The following PACRG variants were observed in gnomAD, a reference collection of about 807,000 sequenced individuals.
PACRG encodes the protein parkin coregulated gene protein.
In PACRG, 29 loss-of-function variants were observed where a neutral mutation model predicts 29.7. The observed-to-expected ratio is 0.98, with a 90% CI of 0.73 to 1.33. The LOEUF (loss-of-function observed/expected upper bound fraction) is 1.33. Ranked by LOEUF, PACRG falls within the 40% of genes most tolerant of loss-of-function variation. The pLI is 0.00. For missense variants in PACRG, 279 were observed against 316.2 expected (o/e 0.88, Z 0.89); for synonymous variants, 116 against 118.7 (o/e 0.98, Z 0.15).
intron 2 of PACRG, chr6:162,997,413 G>T (rs1158487184): frequency 6.6e-6 from 3 of 454,350 alleles, no homozygotes; most frequent in East Asian, 7.0e-5. Flanking sequence ...TAGATTCTAG[G>T]AATGAAAAAT....
chr6:163,177,791 C>T (rs919661172), intron 4 of PACRG, among the ~76,000 whole-genome samples: 2 of 124,886 alleles, frequency 1.6e-5, no homozygotes, highest in African/African-American at 6.2e-5. Context: ...GAGAAACGTG[C>T]CCTAGGCCTG....
chr6:163,178,966 C>T (rs2128352183), intron 4 of PACRG, among the ~76,000 whole-genome samples: 1 of 152,264 alleles, frequency 6.6e-6, no homozygotes, highest in East Asian at 1.9e-4. Flanking sequence ...AGAGCTCTTT[C>T]TTTAAAAAGG....
intron 3 of PACRG, among the ~76,000 whole-genome samples, chr6:163,076,893 C>T (rs199557676): frequency 0.01 from 1,575 of 152,314 alleles, 23 homozygotes; most frequent in African/African-American, 0.035. Flanking sequence ...TATAGCTCCT[C>T]TCTCATGTCA....
chr6:163,309,577 T>G (rs1000789625), intron 4 of PACRG, among the ~76,000 whole-genome samples: 1 of 152,238 alleles, frequency 6.6e-6, no homozygotes, highest in Non-Finnish European at 1.5e-5. Context: ...GAAGAAAGAC[T>G]GGTAATGATA....
chr6:163,054,937 T>A (rs938035999), intron 2 of PACRG, among the ~76,000 whole-genome samples: 2 of 152,022 alleles, frequency 1.3e-5, no homozygotes, highest in African/African-American at 2.4e-5. Context: ...GGCCAGGGAT[T>A]GGAGGGAGGG....
chr6:162,746,604 G>A (rs1315968037), intron 1 of PACRG, among the ~76,000 whole-genome samples: 1 of 152,138 alleles, frequency 6.6e-6, no homozygotes, highest in African/African-American at 2.4e-5. Flanking sequence ...ATATGAAGAC[G>A]TTTTAGGCAG....
intron 2 of PACRG, among the ~76,000 whole-genome samples, chr6:162,830,709 G>A (rs997861538): frequency 6.6e-6 from 1 of 152,202 alleles, no homozygotes; most frequent in Non-Finnish European, 1.5e-5. Context: ...GGCATGGTGG[G>A]GGGTAGACGT....
chr6:162,947,510 C>CTA (rs1363527920), intron 2 of PACRG, among the ~76,000 whole-genome samples: 6 of 105,684 alleles, frequency 5.7e-5, no homozygotes, highest in African/African-American at 1.1e-4. Context: ...TATATATAAT[C>CTA]TATATATATA....
rs545556334 is a variant in PACRG, at chr6:163,181,099, T to C, written c.613+91691T>C. Among the ~76,000 whole-genome samples the C allele has an allele frequency of 4.6e-5, 7 of 152,270 alleles. No homozygotes were observed. The East Asian group carries it at 1.2e-3, about 25-fold the overall frequency. On this transcript the variant is annotated intron_variant, in intron 4 of 4. Coordinates refer to ENST00000366888, the MANE Select transcript of PACRG (RefSeq NM_001080379.2). ...CAGCACTAAACCATCTATTCAGCTG[T>C]GCGGGCACCTGTGTGGGATAGAAGG...
chr6:162,929,059 A>G lies in PACRG; in HGVS notation c.291+114778A>G, dbSNP rs943866595. On this transcript the variant is annotated intron_variant, in intron 2 of 4. Coordinates refer to ENST00000366888, the MANE Select transcript of PACRG (RefSeq NM_001080379.2). ...TGATTCCATTGTTTGCCTATTGTGA[A>G]TAGTGCTCCAATAAACATGACAATA... 2.6e-5 allele frequency among the ~76,000 whole-genome samples: 4 copies of G among 152,076 alleles called. No homozygotes were observed. In the East Asian group the frequency reaches 5.8e-4, roughly 22 times the overall value.
At position 162,923,207 on chromosome 6, in the gene PACRG, C is replaced by G. The variant is rs1014198940; in HGVS notation, c.291+108926C>G. 2.0e-5 allele frequency among the ~76,000 whole-genome samples: 3 copies of G among 152,052 alleles called. No individual in the cohort carries two copies. In the East Asian group the frequency reaches 5.8e-4, roughly 29 times the overall value. On this transcript the variant is annotated intron_variant, in intron 2 of 4. Coordinates refer to ENST00000366888, the MANE Select transcript of PACRG (RefSeq NM_001080379.2). ...GGAATGTTTATTCAGATCCTTTGCC[C>G]ATTCTAAAAGTCAGATGAGTTTATT... is the stretch of plus-strand genomic sequence containing the variant.
intron 4 of PACRG, among the ~76,000 whole-genome samples, chr6:163,272,875 G>A (rs1409308824): frequency 6.7e-6 from 1 of 149,276 alleles, no homozygotes; most frequent in Non-Finnish European, 1.5e-5. Flanking sequence ...ACAAACATTT[G>A]GTAATGATGC....
chr6:162,728,666 T>A (rs994396355), intron 1 of PACRG, among the ~76,000 whole-genome samples: 42 of 152,184 alleles, frequency 2.8e-4, no homozygotes, highest in African/African-American at 9.9e-4. Context: ...CTTAAGCTAT[T>A]TACACGAGGA....
chr6:163,289,633 C>T (rs1172971710), intron 4 of PACRG, among the ~76,000 whole-genome samples: 2 of 152,136 alleles, frequency 1.3e-5, no homozygotes, highest in African/African-American at 2.4e-5. Flanking sequence ...GCATGTCCAT[C>T]GGGTAAATCC....
intron 2 of PACRG, among the ~76,000 whole-genome samples, chr6:162,949,306 G>A (rs998435387): frequency 2.6e-5 from 4 of 152,110 alleles, no homozygotes; most frequent in Non-Finnish European, 2.9e-5. Flanking sequence ...AAAAATGTTG[G>A]TTTTATGGAG....
chr6:162,895,691 A>T (rs76506417), intron 2 of PACRG, among the ~76,000 whole-genome samples: 1 of 152,238 alleles, frequency 6.6e-6, no homozygotes, highest in Admixed American at 6.5e-5. Context: ...TACTTTTTAC[A>T]TATGAATAGC....
intron 4 of PACRG, chr6:163,112,251 T>A: frequency 6.0e-6 from 1 of 166,546 alleles, no homozygotes; most frequent in Non-Finnish European, 1.2e-5. Flanking sequence ...AAATTGTGGT[T>A]AATTTCAGTC....
intron 4 of PACRG, among the ~76,000 whole-genome samples, chr6:163,217,706 C>T (rs1781418472): frequency 6.6e-6 from 1 of 152,068 alleles, no homozygotes; most frequent in Admixed American, 6.5e-5. Flanking sequence ...AGATCAGCAG[C>T]AGCATTGGAT....
At chr6:163,167,866 G>A (rs1395251900) in intron 4 of PACRG, among the ~76,000 whole-genome samples, 3 of 152,216 alleles carry the variant, frequency 2.0e-5, no homozygotes, top group Non-Finnish European at 4.4e-5. Flanking sequence ...GCCTGTGAAT[G>A]TGATTTGTAA....
Sources: allele counts gnomAD v4.1 joint callset (sites outside exome capture counted in the v4.1 genomes callset), GRCh38; gene constraint gnomAD v4.1.1; transcripts MANE v1.5; gene names NCBI Gene and HGNC (gene_info 2026-07-23, HGNC 2026-07-21).